Variants in GLDN observed in about 807,000 individuals in gnomAD.
GLDN encodes collomin.
A neutral mutation model predicts 56.5 loss-of-function variants in GLDN; 47 were observed. The ratio of observed to expected loss-of-function variants is 0.83; its 90% CI spans 0.66 to 1.06. GLDN has a LOEUF of 1.06. Ranked by LOEUF, GLDN falls within the 50% of genes least tolerant of loss-of-function variation. The pLI, the probability that GLDN is intolerant of heterozygous loss-of-function variation, is 0.00. For missense variants in GLDN, 782 were observed against 714.3 expected, an observed-to-expected ratio of 1.09 and a Z score of -1.08; for synonymous variants, 332 against 278.8, an observed-to-expected ratio of 1.19 and a Z score of -1.90.
intron 1 of GLDN, among the ~76,000 whole-genome samples, chr15:51,361,923 T>A (rs1362262910): frequency 6.6e-6 from 1 of 151,894 alleles, no homozygotes; most frequent in Non-Finnish European, 1.5e-5. Flanking sequence ...AGAGCAAGAC[T>A]CCATCTAAAA....
rs547881317 is a variant in GLDN at position 51,374,610 on chromosome 15, T to C, written c.364-2839T>C. 7.2e-5 allele frequency among the ~76,000 whole-genome samples: 11 copies of C among 152,300 alleles called. No homozygotes were observed. In the South Asian group the frequency reaches 1.9e-3, roughly 26 times the overall value. Reference sequence around the variant, plus strand: ...AAGTGTACTCCAACTCAGAGAGCTATTGGGGGTGAGGGGACATCCAGAAGT... The same window carrying C: ...AAGTGTACTCCAACTCAGAGAGCTACTGGGGGTGAGGGGACATCCAGAAGT... On this transcript the variant is annotated intron_variant, in intron 1 of 9. Coordinates refer to ENST00000335449, the MANE Select transcript of GLDN (RefSeq NM_181789.4).
chr15:51,366,244 T>A (rs1377459418), intron 1 of GLDN, among the ~76,000 whole-genome samples: 1 of 152,150 alleles, frequency 6.6e-6, no homozygotes, highest in Non-Finnish European at 1.5e-5. Flanking sequence ...GGCTCAGGAT[T>A]TCTGGTTCTG....
intron 4 of GLDN, among the ~76,000 whole-genome samples, chr15:51,390,667 A>T (rs2037997814): frequency 6.6e-6 from 1 of 152,132 alleles, no homozygotes; most frequent in African/African-American, 2.4e-5. Flanking sequence ...AAAATAAAAC[A>T]TCCTCCCTCA....
chr15:51,394,969 G>T lies in GLDN; in HGVS notation c.676G>T (p.Val226Leu). 4 of 1,600,904 alleles carry T rather than the reference G, an allele frequency of 2.5e-6. No individual in the cohort carries two copies. Among genetic ancestry groups the T allele is most frequent in the Non-Finnish European group, 2.6e-6 (3 of 1,175,016 alleles). Residue 226 changes from valine to leucine, a missense_variant, in exon 5 of 10, where the codon GTG becomes TTG. Val to Leu is a conservative substitution (Grantham distance 32). Coordinates refer to ENST00000335449, the MANE Select transcript of GLDN (RefSeq NM_181789.4). ...KGDKGDVSND[V>L]LLAGAKGDQG... ...TGACAAAGGAGATGTGTCCAACGAC[G>T]TGCTCCTGGCAGGTAAGAGGGGTAC...
chr15:51,404,201 A>G, intron 9 of GLDN, 76 bp from the exon 10 acceptor site: 1 of 1,163,302 alleles, frequency 8.6e-7, no homozygotes, highest in Non-Finnish European at 1.2e-6. Flanking sequence ...AACTCAGTTT[A>G]ATAGAGGAGC....
intron 1 of GLDN, among the ~76,000 whole-genome samples, chr15:51,376,166 C>T (rs117438922): frequency 0.017 from 2,555 of 152,252 alleles, 31 homozygotes; most frequent in Admixed American, 0.03. Context: ...GTTGTGTAAA[C>T]ATCATGGTGT....
At chr15:51,376,234 C>G (rs1036680299) in intron 1 of GLDN, among the ~76,000 whole-genome samples, 5 of 152,182 alleles carry the variant, frequency 3.3e-5, no homozygotes, top group African/African-American at 1.2e-4. Flanking sequence ...TGTGGAAAAG[C>G]CTATTGCTCC....
intron 1 of GLDN, among the ~76,000 whole-genome samples, chr15:51,348,959 C>T (rs2446426): frequency 0.048 from 7,301 of 151,942 alleles, 218 homozygotes; most frequent in Non-Finnish European, 0.065. Context: ...TGATTGAGGT[C>T]GATGTGGTTT....
chr15:51,375,220 A>C (rs915953634), intron 1 of GLDN, among the ~76,000 whole-genome samples: 1 of 152,218 alleles, frequency 6.6e-6, no homozygotes, highest in Non-Finnish European at 1.5e-5. Flanking sequence ...ATTTTGAAAA[A>C]TAGTTTAATG....
chr15:51,367,047 CTTTCCTATTGCA>C (rs907201239), intron 1 of GLDN, among the ~76,000 whole-genome samples: 25 of 152,320 alleles, frequency 1.6e-4, no homozygotes, highest in African/African-American at 6.0e-4. Flanking sequence ...ATACTGTCAC[CTTTCCTATTGCA>C]TTTCCTATTT....
intron 1 of GLDN, among the ~76,000 whole-genome samples, chr15:51,359,339 T>G (rs553438334): frequency 2.2e-4 from 34 of 152,350 alleles, no homozygotes; most frequent in African/African-American, 7.7e-4. Context: ...ATGTTGTCGT[T>G]AGGTCAAACA....
At chr15:51,400,882 A>G (rs538578059) in intron 8 of GLDN, among the ~76,000 whole-genome samples, 7 of 152,286 alleles carry the variant, frequency 4.6e-5, no homozygotes, top group African/African-American at 1.4e-4. Context: ...CCCTCCCAGA[A>G]GAGTACTTTT....
chr15:51,402,785 C>A (rs2038283212), intron 9 of GLDN, among the ~76,000 whole-genome samples: 1 of 152,198 alleles, frequency 6.6e-6, no homozygotes. Flanking sequence ...ACATCGGACA[C>A]TGGCGTCAGC....
intron 4 of GLDN, among the ~76,000 whole-genome samples, chr15:51,390,660 A>G (rs1291923414): frequency 1.3e-5 from 2 of 152,190 alleles, no homozygotes; most frequent in African/African-American, 2.4e-5. Context: ...ACTGCTGAAA[A>G]TAAAACATCC....
intron 5 of GLDN, among the ~76,000 whole-genome samples, chr15:51,395,253 A>T (rs1046201341): frequency 3.3e-5 from 5 of 152,212 alleles, no homozygotes; most frequent in African/African-American, 1.2e-4. Flanking sequence ...CTTTTCCAAG[A>T]TATATTGAAA....
intron 5 of GLDN, 79 bp from the exon 6 acceptor site, chr15:51,397,391 T>C: frequency 2.9e-6 from 1 of 344,250 alleles, no homozygotes. Flanking sequence ...TCTTCTTCTC[T>C]CCCCTTCTCT....
chr15:51,397,849 G>C (rs1658891165), intron 6 of GLDN, among the ~76,000 whole-genome samples: 1 of 152,100 alleles, frequency 6.6e-6, no homozygotes, highest in Admixed American at 6.5e-5. Flanking sequence ...TTTACCAGCA[G>C]ACCAGTCCTC....
At chr15:51,349,816 T>C (rs1311243820) in intron 1 of GLDN, among the ~76,000 whole-genome samples, 4 of 151,920 alleles carry the variant, frequency 2.6e-5, no homozygotes, top group African/African-American at 9.7e-5. Context: ...TTTGGCTCAC[T>C]GCAACCTCTG....
downstream of GLDN, among the ~76,000 whole-genome samples, chr15:51,411,061 A>G (rs2038459689): frequency 1.3e-5 from 2 of 152,244 alleles, no homozygotes; most frequent in South Asian, 2.1e-4. Context: ...GTGATGTGTC[A>G]GATGTTTGAG....
Sources: gnomAD v4.1 joint callset for allele counts (sites outside exome capture counted in the v4.1 genomes callset) on GRCh38, gnomAD v4.1.1 for gene constraint, MANE v1.5 for transcripts, NCBI Gene and HGNC (gene_info 2026-07-23, HGNC 2026-07-21) for gene names.